The following CNTN3 variants were observed in gnomAD, a reference collection of about 807,000 sequenced individuals.
CNTN3 encodes contactin 3.
Under a neutral mutation model 119.1 loss-of-function variants are expected in CNTN3, and 60 were observed. That is an observed-to-expected ratio of 0.50 (90% confidence interval 0.41 to 0.62). The LOEUF (loss-of-function observed/expected upper bound fraction) is 0.62, where lower values mean the gene tolerates loss of function less well. Ranked by LOEUF, CNTN3 falls within the 20% of genes least tolerant of loss-of-function variation. CNTN3 has a pLI of 0.00. For synonymous variants in CNTN3, 450 were observed against 438.7 expected, an observed-to-expected ratio of 1.03 and a Z score of -0.32; for missense variants, 1,101 against 1,242.4, an observed-to-expected ratio of 0.89 and a Z score of 1.71.
chr3:74,294,106 A>AC (rs376560518), intron 19 of CNTN3, among the ~76,000 whole-genome samples: 1 of 152,058 alleles, frequency 6.6e-6, no homozygotes. Flanking sequence ...TGTGATGCAA[A>AC]CCTGCCTGTG....
At chr3:74,503,871 A>G (rs1179726092) in intron 2 of CNTN3, among the ~76,000 whole-genome samples, 1 of 152,146 alleles carries the variant, frequency 6.6e-6, no homozygotes, top group African/African-American at 2.4e-5. Flanking sequence ...AACAGGACTA[A>G]TAAGTCCAAA....
At chr3:74,518,851 T>C (rs1038691638) in intron 2 of CNTN3, among the ~76,000 whole-genome samples, 6 of 152,022 alleles carry the variant, frequency 3.9e-5, no homozygotes, top group African/African-American at 1.2e-4. Context: ...ACTGCAACTA[T>C]CACTGTGAAA....
intron 1 of CNTN3, among the ~76,000 whole-genome samples, chr3:74,552,852 G>A (rs144446901): frequency 6.6e-6 from 1 of 152,232 alleles, no homozygotes; most frequent in African/African-American, 2.4e-5. Context: ...TGTGAAGAAG[G>A]TGCCTGCTTC....
rs199647097 is a variant in CNTN3, at chr3:74,385,165, C to T, written c.455-13766G>A. On this transcript the variant is annotated intron_variant, in intron 5 of 22. Coordinates refer to ENST00000263665, the MANE Select transcript of CNTN3 (RefSeq NM_020872.3). Reference sequence around the variant, plus strand: ...GAAGGATTTTTCAAATTCAAATTAGCGAATTTTCTTTTGCACCATTTGGTC... The same window carrying T: ...GAAGGATTTTTCAAATTCAAATTAGTGAATTTTCTTTTGCACCATTTGGTC... Among the ~76,000 whole-genome samples the T allele has an allele frequency of 4.5e-4, 69 of 152,218 alleles. No individual in the cohort carries two copies. In the East Asian group the frequency reaches 0.011, roughly 24 times the overall value.
chr3:74,548,076 T>C (rs1396800642), intron 1 of CNTN3, among the ~76,000 whole-genome samples: 1 of 152,164 alleles, frequency 6.6e-6, no homozygotes, highest in Non-Finnish European at 1.5e-5. Flanking sequence ...TGAAACACTA[T>C]CTTTGGTATA....
chr3:74,294,559 T>C (rs928438844), intron 19 of CNTN3, among the ~76,000 whole-genome samples: 1 of 152,226 alleles, frequency 6.6e-6, no homozygotes, highest in Non-Finnish European at 1.5e-5. Flanking sequence ...GTATGTCCCA[T>C]CCTTCTTGAC....
rs1018731328 is a variant in CNTN3, at chr3:74,478,277, A to G, written c.358+8179T>C. Among the ~76,000 whole-genome samples the G allele has an allele frequency of 5.3e-5, 8 of 152,092 alleles. No individual in the cohort carries two copies. In the East Asian group the frequency reaches 1.5e-3, roughly 29 times the overall value. ...AGGCACATCTGGAAGAGGAAATGCA[A>G]TATGACAATGGGAAGGTAAGAATTT... On this transcript the variant is annotated intron_variant, in intron 4 of 22. Transcript: ENST00000263665.
chr3:74,610,610 C>T (rs1705065037), intron 1 of CNTN3, among the ~76,000 whole-genome samples: 1 of 151,776 alleles, frequency 6.6e-6, no homozygotes, highest in Non-Finnish European at 1.5e-5. Flanking sequence ...CAATGAAAAG[C>T]CATTTAAGCA....
At chr3:74,502,662 G>A (rs1703186025) in intron 2 of CNTN3, among the ~76,000 whole-genome samples, 1 of 152,052 alleles carries the variant, frequency 6.6e-6, no homozygotes, top group African/African-American at 2.4e-5. Context: ...TGAGCTTCGT[G>A]TCACTTCTGG....
intron 18 of CNTN3, among the ~76,000 whole-genome samples, chr3:74,297,384 G>GAAAA (rs72102148): frequency 6.2e-5 from 9 of 145,150 alleles, no homozygotes; most frequent in African/African-American, 5.1e-5. Flanking sequence ...ATGCCCAGAA[G>GAAAA]AAAAAAAAAA....
chr3:74,448,361 C>A (rs1216184450), intron 4 of CNTN3, among the ~76,000 whole-genome samples: 1 of 152,128 alleles, frequency 6.6e-6, no homozygotes, highest in Non-Finnish European at 1.5e-5. Context: ...GATTAAGACA[C>A]TTGTCTTGGC....
intron 1 of CNTN3, among the ~76,000 whole-genome samples, chr3:74,585,996 C>A (rs1184589354): frequency 1.3e-5 from 2 of 152,090 alleles, no homozygotes; most frequent in African/African-American, 4.8e-5. Flanking sequence ...AAGTAGAATA[C>A]CAACCCACTG....
chr3:74,595,970 A>C (rs973255743), intron 1 of CNTN3, among the ~76,000 whole-genome samples: 29 of 152,162 alleles, frequency 1.9e-4, no homozygotes, highest in South Asian at 4.1e-4. Flanking sequence ...TCTCCTTAAG[A>C]TGATAAGCAA....
intron 14 of CNTN3, 90 bp from the exon 15 acceptor site, chr3:74,301,895 T>A: frequency 1.4e-6 from 2 of 1,399,164 alleles, no homozygotes; most frequent in Non-Finnish European, 2.0e-6. Flanking sequence ...CATGACCACT[T>A]CAATATCTCT....
intron 5 of CNTN3, among the ~76,000 whole-genome samples, chr3:74,385,253 C>A (rs956886601): frequency 6.6e-6 from 1 of 152,146 alleles, no homozygotes; most frequent in Admixed American, 6.6e-5. Context: ...TGGCCATCAT[C>A]CCCTAGGGTG....
chr3:74,428,396 A>G (rs907806267), intron 4 of CNTN3, among the ~76,000 whole-genome samples: 5 of 152,138 alleles, frequency 3.3e-5, no homozygotes, highest in Non-Finnish European at 5.9e-5. Context: ...TTCCAGTGGC[A>G]TAAGATGTGG....
intron 1 of CNTN3, among the ~76,000 whole-genome samples, chr3:74,588,346 C>A (rs1380243785): frequency 2.0e-5 from 3 of 152,002 alleles, no homozygotes; most frequent in Non-Finnish European, 4.4e-5. Context: ...GAGTGAACTC[C>A]CGTTCACAAT....
At chr3:74,420,106 A>C (rs1375595375) in intron 5 of CNTN3, among the ~76,000 whole-genome samples, 1 of 152,198 alleles carries the variant, frequency 6.6e-6, no homozygotes, top group East Asian at 1.9e-4. Flanking sequence ...CTCTGCAGAG[A>C]AAGCAATGAC....
At chr3:74,316,779 T>A (rs1480063184) in intron 13 of CNTN3, among the ~76,000 whole-genome samples, 2 of 151,678 alleles carry the variant, frequency 1.3e-5, no homozygotes, top group Non-Finnish European at 2.9e-5. Context: ...CAAAAAAAAA[T>A]TAGCTGGCCG....
Sources: gnomAD v4.1 joint callset for allele counts (sites outside exome capture counted in the v4.1 genomes callset) on GRCh38, gnomAD v4.1.1 for gene constraint, MANE v1.5 for transcripts, NCBI Gene and HGNC (gene_info 2026-07-23, HGNC 2026-07-21) for gene names.